DENND5B: variants seen among roughly 807,000 people sequenced by gnomAD.
The protein encoded by DENND5B is DENN domain-containing protein 5B.
Under a neutral mutation model 140.6 loss-of-function variants are expected in DENND5B, and 34 were observed. The observed-to-expected ratio is 0.24, with a 90% CI of 0.18 to 0.32. The LOEUF (loss-of-function observed/expected upper bound fraction) is 0.32. DENND5B is among the 10% of genes least tolerant of loss of function. DENND5B has a pLI of 1.00. For synonymous variants in DENND5B, 551 were observed against 562.1 expected, an observed-to-expected ratio of 0.98 and a Z score of 0.28; for missense variants, 1,142 against 1,560.2, an observed-to-expected ratio of 0.73 and a Z score of 4.52.
intron 1 of DENND5B, among the ~76,000 whole-genome samples, chr12:31,507,734 T>A (rs186533381): frequency 6.6e-6 from 1 of 152,294 alleles, no homozygotes; most frequent in Non-Finnish European, 1.5e-5. Context: ...TGCCAGTGCT[T>A]AGTAAATAAT....
At chr12:31,521,757 G>T (rs12369701) in intron 1 of DENND5B, among the ~76,000 whole-genome samples, 84,604 of 151,872 alleles carry the variant, frequency 0.56, 23,894 homozygotes, top group Admixed American at 0.7. Flanking sequence ...GCTAAGTTCC[G>T]TTCCATCCCC....
Position 31,402,547 on chromosome 12 carries a change from T to C in DENND5B, c.2900A>G (p.Asp967Gly). 1 of 1,613,808 alleles carries C rather than the reference T, an allele frequency of 6.2e-7. No homozygotes were observed. The highest frequency in any genetic ancestry group is 8.5e-7 in the Non-Finnish European group (1 of 1,179,820). ...TTTGGGAATCTGCATTACTCCTGTG[T>C]CTCCCAGCTCTCCTGATACACAGAT... Reference protein sequence around the residue: ...PWICVSGELGDTGVMQIPKNL... With the variant: ...PWICVSGELGGTGVMQIPKNL... The change falls in exon 15 of 21, where the codon GAC (aspartate) becomes GGC (glycine). Residue 967 changes from aspartate (D) to glycine (G), a missense_variant. Transcript: ENST00000389082.
At chr12:31,568,891 A>C (rs1226811118) in intron 1 of DENND5B, among the ~76,000 whole-genome samples, 1 of 152,040 alleles carries the variant, frequency 6.6e-6, no homozygotes, top group Admixed American at 6.6e-5. Flanking sequence ...CCACCACTTC[A>C]TAAAATGTTG....
chr12:31,485,356 G>C (rs908677597), intron 2 of DENND5B, among the ~76,000 whole-genome samples: 2 of 152,180 alleles, frequency 1.3e-5, no homozygotes, highest in Non-Finnish European at 2.9e-5. Context: ...CAACCAGCAG[G>C]ATGCAGAAAA....
intron 17 of DENND5B, among the ~76,000 whole-genome samples, chr12:31,393,806 G>A (rs1475094924): frequency 6.6e-6 from 1 of 152,118 alleles, no homozygotes; most frequent in African/African-American, 2.4e-5. Context: ...TCCTGCCTCA[G>A]CCTCCCGTGT....
In DENND5B at chr12:31,505,273, C is replaced by A. The variant is rs184604395; in HGVS notation, c.128-9354G>T. On this transcript the variant is annotated intron_variant, in intron 1 of 20. Coordinates refer to ENST00000389082, the MANE Select transcript of DENND5B (RefSeq NM_144973.4). ...TTTTTTTTTGAGACAGAGTCTTACT[C>A]TGTCACCCAGGCTAGAGTGTGACGT... Among the ~76,000 whole-genome samples the A allele has an allele frequency of 1.7e-3, 247 of 143,546 alleles. 3 individuals carry two copies. The highest frequency in any genetic ancestry group is 6.2e-3 in the African/African-American group (238 of 38,582). 94.2% of individuals were successfully genotyped at this position (143,546 alleles called of 152,430 possible). A position where few individuals can be genotyped will look rare whatever the true frequency, so the allele number is the denominator to read the frequency against.
intron 8 of DENND5B, among the ~76,000 whole-genome samples, chr12:31,427,975 G>C (rs1476713677): frequency 6.6e-6 from 1 of 152,136 alleles, no homozygotes; most frequent in Non-Finnish European, 1.5e-5. Context: ...AAATCCCACT[G>C]ATTAGGGATT....
chr12:31,473,856 A>G (rs563392489), intron 3 of DENND5B, among the ~76,000 whole-genome samples: 3 of 152,344 alleles, frequency 2.0e-5, no homozygotes, highest in African/African-American at 7.2e-5. Flanking sequence ...AATGCAAGGA[A>G]GAGATTCTCA....
chr12:31,406,824 C>T (rs531520670), intron 14 of DENND5B, among the ~76,000 whole-genome samples: 5 of 152,272 alleles, frequency 3.3e-5, no homozygotes, highest in Admixed American at 2.6e-4. Context: ...TATTTAGAGA[C>T]AGTCTCAACC....
At chr12:31,480,802 G>A (rs1946040604) in intron 2 of DENND5B, among the ~76,000 whole-genome samples, 1 of 152,146 alleles carries the variant, frequency 6.6e-6, no homozygotes, top group Non-Finnish European at 1.5e-5. Context: ...GAATAGTATG[G>A]TATTTTATCC....
At chr12:31,404,759 C>CTTTTTTT (rs71062425) in intron 14 of DENND5B, among the ~76,000 whole-genome samples, 30,089 of 73,748 alleles carry the variant, frequency 0.41, 9,354 homozygotes, top group Non-Finnish European at 0.45. Flanking sequence ...CGACCTCTAG[C>CTTTTTTT]TTTTTTTTTT....
intron 1 of DENND5B, among the ~76,000 whole-genome samples, chr12:31,532,378 G>A (rs1431888773): frequency 6.6e-6 from 1 of 152,194 alleles, no homozygotes; most frequent in Non-Finnish European, 1.5e-5. Context: ...AGGGTGGGCA[G>A]GGCTTGCTAA....
intron 2 of DENND5B, among the ~76,000 whole-genome samples, chr12:31,483,592 C>T (rs1342692089): frequency 6.6e-6 from 1 of 151,904 alleles, no homozygotes; most frequent in Admixed American, 6.6e-5. Context: ...AGGCGTCTGC[C>T]ACTGCACCTG....
intron 9 of DENND5B, 142 bp from the exon 10 acceptor site, chr12:31,424,829 T>A: frequency 9.2e-7 from 1 of 1,088,384 alleles, no homozygotes; most frequent in Non-Finnish European, 1.3e-6. Flanking sequence ...AAAAATCTCT[T>A]AATCTTGATG....
intron 7 of DENND5B, among the ~76,000 whole-genome samples, chr12:31,439,929 C>CAAAAAAAAAAAAAAAAAAAAAAA (rs67272470): frequency 1.9e-5 from 1 of 52,300 alleles, no homozygotes; most frequent in Non-Finnish European, 3.1e-5. Context: ...GACTCCGTCT[C>CAAAAAAAAAAAAAAAAAAAAAAA]AAAAAAAAAA....
At chr12:31,558,424 T>C (rs1949367798) in intron 1 of DENND5B, among the ~76,000 whole-genome samples, 1 of 152,206 alleles carries the variant, frequency 6.6e-6, no homozygotes, top group African/African-American at 2.4e-5. Context: ...CTCACCTCTT[T>C]GATCTACAGA....
intron 1 of DENND5B, among the ~76,000 whole-genome samples, chr12:31,563,850 C>T (rs1949549136): frequency 6.6e-6 from 1 of 152,192 alleles, no homozygotes; most frequent in African/African-American, 2.4e-5. Flanking sequence ...GTTGTGGTGG[C>T]TCATCCTTGT....
At chr12:31,388,226 CTTTTTTTT>C (rs35891849) in intron 20 of DENND5B, among the ~76,000 whole-genome samples, 1 of 91,480 alleles carries the variant, frequency 1.1e-5, no homozygotes, top group Non-Finnish European at 2.0e-5. Context: ...TAGGGACTTG[CTTTTTTTT>C]TTTTTTTTTT....
At chr12:31,542,378 G>A (rs1948709995) in intron 1 of DENND5B, among the ~76,000 whole-genome samples, 2 of 152,118 alleles carry the variant, frequency 1.3e-5, no homozygotes, top group African/African-American at 2.4e-5. Flanking sequence ...TAGAAGGTAG[G>A]ATGGGGGAAA....
Sources: gnomAD v4.1 joint callset for allele counts (sites outside exome capture counted in the v4.1 genomes callset) on GRCh38, gnomAD v4.1.1 for gene constraint, MANE v1.5 for transcripts, NCBI Gene and HGNC (gene_info 2026-07-23, HGNC 2026-07-21) for gene names.